Variants in ISYNA1 observed in about 807,000 individuals in gnomAD.
ISYNA1 encodes the protein MI-1-P synthase.
Under a neutral mutation model 50.3 loss-of-function variants are expected in ISYNA1, and 34 were observed. That is an observed-to-expected ratio of 0.68 (90% CI 0.51 to 0.90). ISYNA1 has a LOEUF of 0.90. Among genes scored for constraint, ISYNA1 ranks in the 40% least tolerant of loss-of-function variants. ISYNA1 has a pLI of 0.00. For missense variants in ISYNA1, 718 were observed against 784.8 expected (o/e 0.91, Z 1.02); for synonymous variants, 396 against 349.9 (o/e 1.13, Z -1.47).
chr19:18,435,568 A>C lies in ISYNA1; in HGVS notation c.1249T>G (p.Cys417Gly). ...GTNTLVLHNTCEDSLLAAPIM... is the reference protein window; with the variant it reads ...GTNTLVLHNTGEDSLLAAPIM... Reference sequence around the variant, plus strand: ...CCCCTGAAGCCGCGCCGCACCTCACACGTGTTGTGCAGCACCAGTGTGTTG... The same window carrying C: ...CCCCTGAAGCCGCGCCGCACCTCACCCGTGTTGTGCAGCACCAGTGTGTTG... The change falls in exon 9 of 11, where the codon TGT becomes GGT. Residue 417 changes from cysteine to glycine, a missense_variant. Around this residue, in one of 3 missense-constraint regions of ISYNA1, gnomAD observed 305 missense variants for 292.6 expected, o/e 1.04. Coordinates refer to ENST00000338128, the MANE Select transcript of ISYNA1 (RefSeq NM_016368.5). The C allele has an allele frequency of 6.2e-7, 1 of 1,606,494 alleles. No homozygotes were observed. The highest frequency in any genetic ancestry group is 8.5e-7 in the Non-Finnish European group (1 of 1,176,804).
chr19:18,437,588 C>A lies in ISYNA1; in HGVS notation c.282+11G>T, dbSNP rs775924327. The A allele has an allele frequency of 1.4e-6, 2 of 1,457,968 alleles. No individual in the cohort carries two copies. Among genetic ancestry groups the A allele is most frequent in the African/African-American group, 1.4e-5 (1 of 69,234 alleles). The allele number at this position is 1,457,968 out of a possible 1,614,324, so 90.3% of individuals were successfully genotyped here. On this transcript the variant is annotated intron_variant, in intron 3 of 10. Transcript: ENST00000338128. ...AAGCCTCCCTACCCACCACGCCCCT[C>A]CCGCCCCCACCTTGCGGCCGCTGCG...
chr19:18,435,770 T>C lies in ISYNA1; in HGVS notation c.1127A>G (p.Glu376Gly). 1 of 1,613,238 alleles carries C rather than the reference T, an allele frequency of 6.2e-7. No homozygotes were observed. Among genetic ancestry groups the C allele is most frequent in the Middle Eastern group, 1.6e-4 (1 of 6,062 alleles). Reference protein sequence around the residue: ...SNPVLYTPGEEPDHCVVIKYV... With the variant: ...SNPVLYTPGEGPDHCVVIKYV... Reference sequence around the variant, plus strand: ...CGCCCCACGCACGCAGTGGTCAGGCTCTTCGCCGGGCGTATAGAGCACTGG... The same window carrying C: ...CGCCCCACGCACGCAGTGGTCAGGCCCTTCGCCGGGCGTATAGAGCACTGG... Residue 376 changes from glutamate to glycine, a missense_variant, in exon 8 of 11, where the codon GAG (glutamate) becomes GGG (glycine). Glu to Gly is a moderately conservative substitution (Grantham distance 98). Around this residue, in one of 3 missense-constraint regions of ISYNA1, gnomAD observed 305 missense variants for 292.6 expected, o/e 1.04. Coordinates refer to ENST00000338128, the MANE Select transcript of ISYNA1 (RefSeq NM_016368.5).
At position 18,434,906 on chromosome 19, in the gene ISYNA1, C is replaced by G; in HGVS notation, c.*7G>C. The G allele has an allele frequency of 6.2e-7, 1 of 1,610,738 alleles. No homozygotes were observed. The highest frequency in any genetic ancestry group is 8.5e-7 in the Non-Finnish European group (1 of 1,178,648). ...AGGAAGAGCCGAGAAACTGTGTGAC[C>G]GGGGCCTCAGGTGGTGGGCATTGGG... On this transcript the variant is annotated 3_prime_UTR_variant, in exon 11 of 11. Transcript: ENST00000338128.
chr19:18,437,926 G>A lies in ISYNA1; in HGVS notation c.54C>T (p.Pro18=), dbSNP rs1457942708. Residue 18 remains proline, a synonymous_variant, in exon 2 of 11, where the codon CCC becomes CCT. Coordinates refer to ENST00000338128, the MANE Select transcript of ISYNA1 (RefSeq NM_016368.5). The part of the protein sequence containing the change: ...FVESPDVVYG[P]EAIEAQYEYR... Reference sequence around the variant, plus strand: ...ACTCGTATTGCGCCTCGATGGCCTCGGGGCCGTAGACCACGTCCGGGCTCT... The same window carrying A: ...ACTCGTATTGCGCCTCGATGGCCTCAGGGCCGTAGACCACGTCCGGGCTCT... 1 of 1,610,436 alleles carries A rather than the reference G, an allele frequency of 6.2e-7. No individual in the cohort carries two copies. Among genetic ancestry groups the A allele is most frequent in the Admixed American group, 1.7e-5 (1 of 59,830 alleles).
rs1433063041 is a variant in ISYNA1 at position 18,435,436 on chromosome 19, G to T, written c.1302C>A (p.Thr434=). The part of the protein sequence containing the change: ...APIMLDLALL[T]ELCQRVSFCT... ...AGAAGCTCACGCGCTGGCACAGCTC[G>T]GTCAGCAGCGCTAGGTCCAGCATGA... The change falls in exon 10 of 11, where the codon ACC becomes ACA. Residue 434 remains threonine (T), a synonymous_variant. Coordinates refer to ENST00000338128, the MANE Select transcript of ISYNA1 (RefSeq NM_016368.5). 6.2e-7 allele frequency: 1 copy of T among 1,609,992 alleles called. No individual in the cohort carries two copies. Among genetic ancestry groups the T allele is most frequent in the Non-Finnish European group, 8.5e-7 (1 of 1,179,868 alleles).
chr19:18,435,992 G>GC, intron 7 of ISYNA1, 40 bp downstream of exon 7: 3 of 1,612,518 alleles, frequency 1.9e-6, no homozygotes, highest in Non-Finnish European at 1.7e-6. Context: ...CGCGGCCCAG[G>GC]CCCCCTTCCT....
At position 18,434,893 on chromosome 19, in the gene ISYNA1, G is replaced by C; in HGVS notation, c.*20C>G. The stretch of plus-strand genomic sequence containing the variant: ...GGGGGCAGCGGGGAGGAAGAGCCGA[G>C]AAACTGTGTGACCGGGGCCTCAGGT... On this transcript the variant is annotated 3_prime_UTR_variant, in exon 11 of 11. Transcript: ENST00000338128. The C allele has an allele frequency of 1.2e-6, 2 of 1,607,040 alleles. No individual in the cohort carries two copies. Among genetic ancestry groups the C allele is most frequent in the Non-Finnish European group, 1.7e-6 (2 of 1,175,654 alleles).
chr19:18,436,663 G>C lies in ISYNA1; in HGVS notation c.609+21C>G, dbSNP rs974986104. ...CGAAGAACAGGTGGCAGGAAGCAAG[G>C]GATGCGGGATGGGACAGCACCTGCT... On this transcript the variant is annotated intron_variant, in intron 5 of 10. Transcript: ENST00000338128. The C allele has an allele frequency of 2.5e-6, 4 of 1,579,332 alleles. No homozygotes were observed. In the Admixed American group the frequency reaches 7.6e-5, roughly 30 times the overall value.
intron 10 of ISYNA1, 35 bp from the exon 11 acceptor site, chr19:18,435,152 C>T (rs1327717793): frequency 1.2e-6 from 2 of 1,608,274 alleles, no homozygotes; most frequent in South Asian, 1.1e-5. Context: ...GAGCCAGACA[C>T]CCACAGGGAG....
intron 3 of ISYNA1, 135 bp downstream of exon 3, chr19:18,437,464 A>G: frequency 2.4e-6 from 2 of 835,096 alleles, no homozygotes; most frequent in Non-Finnish European, 3.1e-6. Flanking sequence ...TCGCCCCTGC[A>G]GCCCCTCGCC....
In ISYNA1 at chr19:18,435,877, C is replaced by T. The variant is rs1225977586; in HGVS notation, c.1020G>A (p.Gly340=). Residue 340 remains glycine (G), a synonymous_variant, in exon 8 of 11, where the codon GGG becomes GGA. Coordinates refer to ENST00000338128, the MANE Select transcript of ISYNA1 (RefSeq NM_016368.5). ...VSYNHLGNND[G]ENLSAPLQFR... is the part of the protein sequence containing the mutation. ...ACTGCAATGGCGCCGATAGGTTCTC[C>T]CCATCGTTGTTGCCCAGGTGGTTGT... is the stretch of plus-strand genomic sequence containing the variant. 1.2e-6 allele frequency: 2 copies of T among 1,614,058 alleles called. No individual in the cohort carries two copies. The highest frequency in any genetic ancestry group is 1.7e-6 in the Non-Finnish European group (2 of 1,179,968).
In ISYNA1 at chr19:18,435,051, G is replaced by A. The variant is rs1973905089; in HGVS notation, c.1539C>T (p.Pro513=). The A allele has an allele frequency of 1.9e-6, 3 of 1,613,448 alleles. No individual in the cohort carries two copies. The highest frequency in any genetic ancestry group is 1.3e-5 in the African/African-American group (1 of 74,866). ...CCACGGGTCCAACTCGCTTGAGGCT[G>A]GGCCCTGGGCGCTCCATTTTGTGTT... is the stretch of plus-strand genomic sequence containing the variant. The part of the protein sequence containing the change: ...LLEHKMERPG[P]SLKRVGPVAA... The change falls in exon 11 of 11, where the codon CCC becomes CCT. Residue 513 remains proline, a synonymous_variant. Transcript: ENST00000338128.
At position 18,438,088 on chromosome 19, in the gene ISYNA1, C is replaced by T. The variant is rs1251188171; in HGVS notation, c.-10+5G>A. ...GAGGCCGTCCCTGCCCCGAACCGCA[C>T]TCACCGGCGCAGAGTCGACTCAGGC... On this transcript the variant is annotated splice_donor_5th_base_variant and intron_variant, in intron 1 of 10. Transcript: ENST00000338128. The T allele has an allele frequency of 7.5e-6, 9 of 1,202,692 alleles. No homozygotes were observed. The highest frequency in any genetic ancestry group is 1.6e-5 in the African/African-American group (1 of 62,334). The allele number at this position is 1,202,692 out of a possible 1,614,324, so 74.5% of individuals were successfully genotyped here.
chr19:18,435,767 G>A lies in ISYNA1; in HGVS notation c.1130C>T (p.Pro377Leu). The A allele has an allele frequency of 6.2e-7, 1 of 1,613,218 alleles. No individual in the cohort carries two copies. Among genetic ancestry groups the A allele is most frequent in the Non-Finnish European group, 8.5e-7 (1 of 1,179,822 alleles). The part of the protein sequence containing the change: ...NPVLYTPGEE[P>L]DHCVVIKYVP... ...CCGCGCCCCACGCACGCAGTGGTCAGGCTCTTCGCCGGGCGTATAGAGCAC... is the reference window on the plus strand; with the variant it reads ...CCGCGCCCCACGCACGCAGTGGTCAAGCTCTTCGCCGGGCGTATAGAGCAC... The change falls in exon 8 of 11, where the codon CCT becomes CTT. Residue 377 changes from proline to leucine, a missense_variant. This residue lies in a region of ISYNA1 where 305 missense variants were observed against 292.6 expected (regional missense o/e 1.04). Transcript: ENST00000338128.
Position 18,434,968 on chromosome 19 carries a change from C to A in ISYNA1, c.1622G>T (p.Cys541Phe). The A allele has an allele frequency of 1.2e-6, 2 of 1,613,536 alleles. No homozygotes were observed. Among genetic ancestry groups the A allele is most frequent in the Non-Finnish European group, 1.7e-6 (2 of 1,179,998 alleles). ...CAGATGCCCATTGGCATCACCGGTGCAGCCATTGGTGGCAGCGGGTACCGG... is the reference window on the plus strand; with the variant it reads ...CAGATGCCCATTGGCATCACCGGTGAAGCCATTGGTGGCAGCGGGTACCGG... ...KGPVPAATNG[C>F]TGDANGHLQE... The change falls in exon 11 of 11, where the codon TGC becomes TTC. Residue 541 changes from cysteine (C) to phenylalanine (F), a missense_variant. Physicochemically the swap from Cys to Phe is radical, Grantham distance 205. Around this residue, in one of 3 missense-constraint regions of ISYNA1, gnomAD observed 305 missense variants for 292.6 expected, o/e 1.04. Transcript: ENST00000338128.
chr19:18,434,450 TC>T lies in ISYNA1; in HGVS notation c.*462del, dbSNP rs1973849778. ...AGACGTTCTTTTCTGTATGGACCCT[TC>T]CTGCCATTTGTATTTTGTCCCAGAG... On this transcript the variant is annotated 3_prime_UTR_variant, in exon 11 of 11. Transcript: ENST00000338128. The T allele has an allele frequency of 1.0e-6, 1 of 997,090 alleles. No individual in the cohort carries two copies. The highest frequency in any genetic ancestry group is 3.0e-5 in the East Asian group (1 of 33,410). The allele number at this position is 997,090 out of a possible 1,614,324, so 61.8% of individuals were successfully genotyped here.
chr19:18,435,195 C>G, intron 10 of ISYNA1, 71 bp downstream of exon 10: 1 of 1,596,970 alleles, frequency 6.3e-7, no homozygotes, highest in South Asian at 1.1e-5. Context: ...CTACAGCCCC[C>G]CAAGCCCTGT....
Position 18,437,929 on chromosome 19 carries a change from G to A in ISYNA1, c.51C>T (p.Gly17=), listed in dbSNP as rs779331437. The A allele has an allele frequency of 2.9e-5, 47 of 1,608,742 alleles. No homozygotes were observed. The highest frequency in any genetic ancestry group is 3.6e-5 in the Non-Finnish European group (42 of 1,178,602). ...FFVESPDVVY[G]PEAIEAQYEY... ...CGTATTGCGCCTCGATGGCCTCGGG[G>A]CCGTAGACCACGTCCGGGCTCTCGA... Residue 17 remains glycine (G), a synonymous_variant, in exon 2 of 11, where the codon GGC becomes GGT. Coordinates refer to ENST00000338128, the MANE Select transcript of ISYNA1 (RefSeq NM_016368.5).
rs1063525 is a variant in ISYNA1 at position 18,434,921 on chromosome 19, T to C, written c.1669A>G (p.Thr557Ala). ...GHLQEEPPMP[T>A]T ...ACTGTGTGACCGGGGCCTCAGGTGG[T>C]GGGCATTGGGGGCTCCTCTTGCAGA... Residue 557 changes from threonine to alanine, a missense_variant, in exon 11 of 11, where the codon ACC becomes GCC. Transcript: ENST00000338128. 1.2e-6 allele frequency: 2 copies of C among 1,612,414 alleles called. No individual in the cohort carries two copies. Among genetic ancestry groups the C allele is most frequent in the African/African-American group, 1.3e-5 (1 of 74,948 alleles).
Sources: gnomAD v4.1 joint callset for allele counts on GRCh38, gnomAD v4.1.1 for gene constraint, gnomAD v4.1.1 regional missense constraint, MANE v1.5 for transcripts, NCBI Gene and HGNC (gene_info 2026-07-23, HGNC 2026-07-21) for gene names.